The following PCDH15 variants were observed in gnomAD, a reference collection of about 807,000 sequenced individuals.
The protein encoded by PCDH15 is protocadherin-15.
PCDH15 carries 129 observed loss-of-function variants against 178.5 expected under a neutral mutation model. The ratio of observed to expected loss-of-function variants is 0.72; its 90% CI spans 0.63 to 0.84. The LOEUF is 0.84. Among genes scored for constraint, PCDH15 ranks in the 40% least tolerant of loss-of-function variants. PCDH15 has a pLI of 0.00. For synonymous variants in PCDH15, 800 were observed against 732.0 expected (o/e 1.09, Z -1.50); for missense variants, 2,230 against 2,099.9 (o/e 1.06, Z -1.21).
intron 1 of PCDH15, among the ~76,000 whole-genome samples, chr10:55,173,800 C>G (rs374305970): frequency 6.6e-6 from 1 of 151,898 alleles, no homozygotes; most frequent in Non-Finnish European, 1.5e-5. Flanking sequence ...TTTTTCTTCC[C>G]TTAAACTGAA....
At chr10:53,931,385 G>A (rs947411054) in intron 25 of PCDH15, among the ~76,000 whole-genome samples, 7 of 152,128 alleles carry the variant, frequency 4.6e-5, no homozygotes, top group East Asian at 1.9e-4. Flanking sequence ...TATTTAAAAC[G>A]CTTCACAATC....
At chr10:54,878,116 T>C (rs1225421706) in intron 3 of PCDH15, among the ~76,000 whole-genome samples, 1 of 151,614 alleles carries the variant, frequency 6.6e-6, no homozygotes, top group Non-Finnish European at 1.5e-5. Context: ...GCATGTGCCA[T>C]CATGACTAGC....
chr10:55,359,153 C>T (rs891843043), intron 2 of PCDH15, among the ~76,000 whole-genome samples: 1 of 151,624 alleles, frequency 6.6e-6, no homozygotes, highest in African/African-American at 2.4e-5. Context: ...GTTAGGGTGG[C>T]ACCACTGCAC....
At chr10:55,366,921 G>T (rs1376977286) in intron 2 of PCDH15, among the ~76,000 whole-genome samples, 1 of 116,586 alleles carries the variant, frequency 8.6e-6, no homozygotes, top group African/African-American at 3.5e-5. Context: ...TCATTTGTTT[G>T]CGTGTGTGTG....
At chr10:54,639,879 A>G (rs1280717681) in intron 2 of PCDH15, among the ~76,000 whole-genome samples, 1 of 152,172 alleles carries the variant, frequency 6.6e-6, no homozygotes, top group Non-Finnish European at 1.5e-5. Flanking sequence ...GAAACAATGT[A>G]CTTTCCTGAT....
At position 54,025,921 on chromosome 10, in the gene PCDH15, G is replaced by A. The variant is rs2093071798; in HGVS notation, c.2221-2724C>T. On this transcript the variant is annotated intron_variant, in intron 18 of 37. Transcript: ENST00000644397. Reference sequence around the variant, plus strand: ...TCAGGCATCCTCCTTCACTTTTAAGGGCATGTAAGATTACATTATGCTCCC... The same window carrying A: ...TCAGGCATCCTCCTTCACTTTTAAGAGCATGTAAGATTACATTATGCTCCC... 1.3e-5 allele frequency among the ~76,000 whole-genome samples: 2 copies of A among 151,794 alleles called. 1 individual carries two copies. Among genetic ancestry groups the A allele is most frequent in the South Asian group, 4.1e-4 (2 of 4,822 alleles).
chr10:54,491,957 G>A (rs564911364), intron 3 of PCDH15, among the ~76,000 whole-genome samples: 1 of 152,200 alleles, frequency 6.6e-6, no homozygotes, highest in East Asian at 1.9e-4. Flanking sequence ...AGCACCCACG[G>A]TGATCCAAAC....
chr10:53,912,551 T>C (rs1003043030), intron 25 of PCDH15, among the ~76,000 whole-genome samples: 1 of 152,172 alleles, frequency 6.6e-6, no homozygotes, highest in African/African-American at 2.4e-5. Context: ...AACCCCATTG[T>C]CTCGGCCCAA....
intron 2 of PCDH15, among the ~76,000 whole-genome samples, chr10:55,022,452 C>A (rs200260960): frequency 0.02 from 1,939 of 98,512 alleles, no homozygotes; most frequent in Middle Eastern, 0.041. Flanking sequence ...ACTCTGTCTC[C>A]AAAAAAAAAA....
chr10:54,953,134 T>G (rs767843880), intron 2 of PCDH15, among the ~76,000 whole-genome samples: 2 of 151,546 alleles, frequency 1.3e-5, no homozygotes, highest in Non-Finnish European at 3.0e-5. Context: ...CGCTAGTTGT[T>G]TTTATTTGTT....
chr10:55,620,305 A>G (rs1405562321), intron 2 of PCDH15, among the ~76,000 whole-genome samples: 2 of 151,248 alleles, frequency 1.3e-5, no homozygotes, highest in Non-Finnish European at 2.9e-5. Context: ...TTCTTGAAAA[A>G]CTATTTTTTT....
intron 2 of PCDH15, among the ~76,000 whole-genome samples, chr10:55,529,955 C>CA (rs1841413240): frequency 6.6e-6 from 1 of 150,884 alleles, no homozygotes; most frequent in African/African-American, 2.4e-5. Context: ...CTAAAACTGA[C>CA]AAAGAAATGT....
rs553246835 is a variant in PCDH15, at chr10:54,794,521, T to C, written c.-29+6404A>G. Reference sequence around the variant, plus strand: ...AAATATTAGCACACCAATGCAACTATAGCTAATGTTCCAAATGGAGTATTT... The same window carrying C: ...AAATATTAGCACACCAATGCAACTACAGCTAATGTTCCAAATGGAGTATTT... On this transcript the variant is annotated intron_variant, in intron 1 of 37. Coordinates refer to ENST00000644397, the MANE Select transcript of PCDH15 (RefSeq NM_001384140.1). 5.3e-5 allele frequency among the ~76,000 whole-genome samples: 8 copies of C among 151,996 alleles called. No individual in the cohort carries two copies. In the South Asian group the frequency reaches 8.3e-4, roughly 16 times the overall value.
chr10:54,996,730 G>C (rs1425676314), intron 2 of PCDH15, among the ~76,000 whole-genome samples: 1 of 152,078 alleles, frequency 6.6e-6, no homozygotes, highest in Non-Finnish European at 1.5e-5. Flanking sequence ...TTCTAAGCAG[G>C]GTTTGGTCAG....
chr10:53,817,907 A>C (rs1269644175), intron 34 of PCDH15, 88 bp downstream of exon 34: 4 of 398,052 alleles, frequency 1.0e-5, no homozygotes, highest in East Asian at 7.2e-5. Context: ...AAAATAAACT[A>C]GTTCAAAAGA....
chr10:54,821,751 G>A (rs192926367), intron 3 of PCDH15, among the ~76,000 whole-genome samples: 5 of 151,952 alleles, frequency 3.3e-5, no homozygotes, highest in Non-Finnish European at 7.4e-5. Context: ...ATTGTACTTA[G>A]CTTCACAACT....
At chr10:54,248,950 T>C (rs12245249) in intron 8 of PCDH15, among the ~76,000 whole-genome samples, 6,760 of 152,060 alleles carry the variant, frequency 0.044, 388 homozygotes, top group African/African-American at 0.13. Flanking sequence ...TTAATTTTCA[T>C]AAACTGAGTT....
chr10:54,285,234 A>C (rs1156657), intron 8 of PCDH15, among the ~76,000 whole-genome samples: 108,444 of 150,452 alleles, frequency 0.72, 40,017 homozygotes, highest in Middle Eastern at 0.81. Context: ...ACAGTGAAAG[A>C]AAATTTAAAG....
chr10:55,456,956 A>G (rs1215565146), intron 2 of PCDH15, among the ~76,000 whole-genome samples: 1 of 152,072 alleles, frequency 6.6e-6, no homozygotes, highest in African/African-American at 2.4e-5. Flanking sequence ...TCACCAATTA[A>G]TCATGCCACT....
Sources: allele counts gnomAD v4.1 joint callset (sites outside exome capture counted in the v4.1 genomes callset), GRCh38; gene constraint gnomAD v4.1.1; transcripts MANE v1.5; gene names NCBI Gene and HGNC (gene_info 2026-07-23, HGNC 2026-07-21).